Variants in ATP11A observed in about 807,000 individuals in gnomAD.
ATP11A encodes the protein ATPase phospholipid transporting 11A.
ATP11A carries 81 observed loss-of-function variants against 154.4 expected under a neutral mutation model. The observed-to-expected ratio is 0.52, with a 90% confidence interval of 0.44 to 0.63. The LOEUF (loss-of-function observed/expected upper bound fraction) is 0.63. Ranked by LOEUF, ATP11A falls within the 30% of genes least tolerant of loss-of-function variation. The pLI, the probability that ATP11A is intolerant of heterozygous loss-of-function variation, is 0.00. For missense variants in ATP11A, 1,316 were observed against 1,474.3 expected, an observed-to-expected ratio of 0.89 and a Z score of 1.76; for synonymous variants, 623 against 585.9, an observed-to-expected ratio of 1.06 and a Z score of -0.91.
rs1271677321 is a variant in ATP11A at position 112,710,919 on chromosome 13, G to A, written c.39+20464G>A. Among the ~76,000 whole-genome samples, 54 of 152,258 alleles carry A rather than the reference G, an allele frequency of 3.5e-4. 1 individual carries two copies. The highest frequency in any genetic ancestry group is 2.1e-4 in the Non-Finnish European group (14 of 68,012). The stretch of plus-strand genomic sequence containing the variant: ...TGTGAGGGGGCACTAGTCACAGTGC[G>A]GGAGGCTTCAGAGCGGAGGGCAGGG... On this transcript the variant is annotated intron_variant, in intron 1 of 29. Transcript: ENST00000375645.
chr13:112,766,741 G>A (rs573860695), intron 1 of ATP11A, among the ~76,000 whole-genome samples: 1 of 152,102 alleles, frequency 6.6e-6, no homozygotes, highest in African/African-American at 2.4e-5. Flanking sequence ...TGCAGCAGGT[G>A]CCCAGTTCTG....
intron 17 of ATP11A, among the ~76,000 whole-genome samples, chr13:112,846,305 C>T (rs187596558): frequency 1.3e-5 from 2 of 152,240 alleles, no homozygotes; most frequent in East Asian, 1.9e-4. Flanking sequence ...GTTGTCTCAC[C>T]GCTTACAAAG....
Position 112,782,540 on chromosome 13 carries a change from C to G in ATP11A, c.40-2595C>G, listed in dbSNP as rs77992650. Among the ~76,000 whole-genome samples, 687 of 152,368 alleles carry G rather than the reference C, an allele frequency of 4.5e-3. 7 individuals carry two copies. Among genetic ancestry groups the G allele is most frequent in the African/African-American group, 0.015 (642 of 41,588 alleles). The stretch of plus-strand genomic sequence containing the variant: ...TCTGTGAAAACAAAGGAGCCAGGGA[C>G]TTTGCTTAGCCTTTATAGGCAGCAG... On this transcript the variant is annotated intron_variant, in intron 1 of 29. Transcript: ENST00000375645.
chr13:112,802,218 C>T (rs988081677), intron 2 of ATP11A, among the ~76,000 whole-genome samples: 2 of 152,034 alleles, frequency 1.3e-5, no homozygotes, highest in Admixed American at 6.5e-5. Context: ...TGGTGGTGGG[C>T]GCCTGTAGTC....
At chr13:112,708,973 CA>C (rs199621206) in intron 1 of ATP11A, among the ~76,000 whole-genome samples, 1,930 of 152,248 alleles carry the variant, frequency 0.013, 59 homozygotes, top group African/African-American at 0.044. Flanking sequence ...GCACATGTTC[CA>C]GGGTAGACTC....
rs771002793 is a variant in ATP11A, at chr13:112,856,074, C to A, written c.2407C>A (p.Gln803Lys). ...GCTCTGCTGCCGCATGGCGCCCTTG[C>A]AGAAGGCTCAGGTGCTGCCCGCCCG... Reference protein sequence around the residue: ...AVLCCRMAPLQKAQIVKLIKF... With the variant: ...AVLCCRMAPLKKAQIVKLIKF... The change falls in exon 20 of 30, where the codon CAG (glutamine) becomes AAG (lysine). Residue 803 changes from glutamine (Q) to lysine (K), a missense_variant. Gln to Lys is a moderately conservative substitution (Grantham distance 53). This residue lies in a region of ATP11A where 876 missense variants were observed against 1,006.8 expected (regional missense o/e 0.87). Coordinates refer to ENST00000375645, the MANE Select transcript of ATP11A (RefSeq NM_015205.3). 2.5e-6 allele frequency: 4 copies of A among 1,612,532 alleles called. No individual in the cohort carries two copies. In the South Asian group the frequency reaches 4.4e-5, roughly 18 times the overall value.
intron 2 of ATP11A, among the ~76,000 whole-genome samples, chr13:112,800,648 T>A (rs2078109482): frequency 6.6e-6 from 1 of 152,048 alleles, no homozygotes. Flanking sequence ...ATTCGTTCTA[T>A]GAGGCCAGCA....
chr13:112,744,149 G>A (rs1163186233), intron 1 of ATP11A, among the ~76,000 whole-genome samples: 1 of 152,206 alleles, frequency 6.6e-6, no homozygotes, highest in Non-Finnish European at 1.5e-5. Context: ...GTTAAAACAA[G>A]AAGGCAGGAG....
chr13:112,783,730 C>T (rs2140020639), intron 1 of ATP11A, among the ~76,000 whole-genome samples: 1 of 152,366 alleles, frequency 6.6e-6, no homozygotes, highest in Non-Finnish European at 1.5e-5. Context: ...GGGCTCAGGG[C>T]CATGGCCAGG....
At chr13:112,801,698 C>T (rs548185370) in intron 2 of ATP11A, among the ~76,000 whole-genome samples, 18 of 152,312 alleles carry the variant, frequency 1.2e-4, no homozygotes, top group East Asian at 3.9e-4. Flanking sequence ...CCCCCCCACC[C>T]ACCAAATTAC....
At position 112,724,529 on chromosome 13, in the gene ATP11A, T is replaced by A. The variant is rs114214291; in HGVS notation, c.39+34074T>A. On this transcript the variant is annotated intron_variant, in intron 1 of 29. Transcript: ENST00000375645. ...AACCGTGTATGTGCGGCAGCCAGGATTCGTGCATCCAGAGTTTCATCAGAG... is the reference window on the plus strand; with the variant it reads ...AACCGTGTATGTGCGGCAGCCAGGAATCGTGCATCCAGAGTTTCATCAGAG... Among the ~76,000 whole-genome samples, 1,104 of 152,096 alleles carry A rather than the reference T, an allele frequency of 7.3e-3. 11 individuals carry two copies. Among genetic ancestry groups the A allele is most frequent in the East Asian group, 0.029 (150 of 5,142 alleles).
In ATP11A at chr13:112,860,207, G is replaced by GA; in HGVS notation, c.2728-76dup. On this transcript the variant is annotated intron_variant, in intron 23 of 29. Transcript: ENST00000375645. ...CTGGTCTTTCTATGCATTTCAGAAA[G>GA]AAAATATATTTAATCAAAAGATCCA... 1.3e-6 allele frequency: 2 copies of GA among 1,516,974 alleles called. 1 individual carries two copies. The highest frequency in any genetic ancestry group is 2.5e-5 in the South Asian group (2 of 79,420). 94.0% of individuals were successfully genotyped at this position (1,516,974 alleles called of 1,614,324 possible).
intron 1 of ATP11A, among the ~76,000 whole-genome samples, chr13:112,730,828 G>A (rs560034427): frequency 1.3e-5 from 2 of 152,224 alleles, no homozygotes; most frequent in East Asian, 1.9e-4. Flanking sequence ...GAGGATTTTC[G>A]GAATTAGATG....
At position 112,724,680 on chromosome 13, in the gene ATP11A, G is replaced by A. The variant is rs572996623; in HGVS notation, c.39+34225G>A. On this transcript the variant is annotated intron_variant, in intron 1 of 29. Transcript: ENST00000375645. ...ATGGAAGCTGCAGCCCTGTCCTGGG[G>A]TGAGGCCGGCCCCCCCCCAGGAAGC... Among the ~76,000 whole-genome samples the A allele has an allele frequency of 4.0e-3, 605 of 152,122 alleles. 3 individuals are homozygous for A. Among genetic ancestry groups the A allele is most frequent in the Non-Finnish European group, 6.4e-3 (435 of 67,996 alleles).
rs1393136317 is a variant in ATP11A, at chr13:112,792,654, TGGGGG to T, written c.162+7398_162+7402del. On this transcript the variant is annotated intron_variant, in intron 2 of 29. Coordinates refer to ENST00000375645, the MANE Select transcript of ATP11A (RefSeq NM_015205.3). Reference sequence around the variant, plus strand: ...GTGATGATAGAGTTTGTTTCCTTCTTGGGGGAGAGACTTTGGGCAGTGTCAAAACC... The same window carrying T: ...GTGATGATAGAGTTTGTTTCCTTCTTAGAGACTTTGGGCAGTGTCAAAACC... Among the ~76,000 whole-genome samples the T allele has an allele frequency of 3.2e-3, 481 of 152,290 alleles. 2 individuals carry two copies. The highest frequency in any genetic ancestry group is 0.011 in the African/African-American group (461 of 41,550).
intron 1 of ATP11A, among the ~76,000 whole-genome samples, chr13:112,740,154 A>ATATATATATATC (rs1555311741): frequency 1.4e-5 from 2 of 139,600 alleles, no homozygotes; most frequent in African/African-American, 5.6e-5. Flanking sequence ...CTCTCTATAT[A>ATATATATATATC]TATATATATA....
intron 1 of ATP11A, among the ~76,000 whole-genome samples, chr13:112,774,078 C>T (rs77940437): frequency 0.028 from 4,282 of 152,312 alleles, 203 homozygotes; most frequent in African/African-American, 0.096. Context: ...CTGTGTCTGG[C>T]GGAGAGAGAA....
chr13:112,695,411 A>G (rs1885691311), intron 1 of ATP11A, among the ~76,000 whole-genome samples: 1 of 152,206 alleles, frequency 6.6e-6, no homozygotes, highest in Non-Finnish European at 1.5e-5. Context: ...TTCCACCTGG[A>G]CATTCTAAAG....
intron 1 of ATP11A, among the ~76,000 whole-genome samples, chr13:112,701,007 C>T (rs1272390159): frequency 1.3e-5 from 2 of 152,210 alleles, no homozygotes; most frequent in African/African-American, 2.4e-5. Context: ...GGGCTTGGCT[C>T]AGCTGCTGAG....
Sources: gnomAD v4.1 joint callset for allele counts (sites outside exome capture counted in the v4.1 genomes callset) on GRCh38, gnomAD v4.1.1 for gene constraint, gnomAD v4.1.1 regional missense constraint, MANE v1.5 for transcripts, NCBI Gene and HGNC (gene_info 2026-07-23, HGNC 2026-07-21) for gene names.